BBX: variants seen among roughly 807,000 people sequenced by gnomAD.
BBX encodes the protein BBX high mobility group box domain containing, also known as HMG box transcription factor BBX.
In BBX, 30 loss-of-function variants were observed where a neutral mutation model predicts 100.2. The observed-to-expected ratio is 0.30, with a 90% CI of 0.22 to 0.41. The LOEUF is 0.41. BBX is among the 10% of genes least tolerant of loss of function. The probability of loss-of-function intolerance (pLI) is 1.00; values close to 1 mark genes in which losing one functional copy is unlikely to be tolerated. For missense variants in BBX, 1,023 were observed against 1,129.8 expected (o/e 0.91, Z 1.35); for synonymous variants, 376 against 388.1 (o/e 0.97, Z 0.37).
At chr3:107,600,254 C>T (rs1255978564) in intron 2 of BBX, among the ~76,000 whole-genome samples, 1 of 152,150 alleles carries the variant, frequency 6.6e-6, no homozygotes, top group East Asian at 1.9e-4. Flanking sequence ...AAGACTATAA[C>T]CAATACCTAA....
intron 2 of BBX, among the ~76,000 whole-genome samples, chr3:107,577,525 G>A (rs1256147233): frequency 1.3e-5 from 2 of 152,112 alleles, no homozygotes; most frequent in Non-Finnish European, 2.9e-5. Context: ...CTAAATCTCA[G>A]TATCCTCATC....
At chr3:107,700,507 A>G (rs1332239605) in intron 3 of BBX, among the ~76,000 whole-genome samples, 3 of 150,334 alleles carry the variant, frequency 2.0e-5, no homozygotes, top group South Asian at 2.1e-4. Context: ...TTACGTATGT[A>G]TACATGTGCC....
At chr3:107,563,103 T>G (rs1576316394) in intron 2 of BBX, among the ~76,000 whole-genome samples, 1 of 152,194 alleles carries the variant, frequency 6.6e-6, no homozygotes, top group Non-Finnish European at 1.5e-5. Context: ...GCCTCCCATG[T>G]GGGAGGAGTG....
chr3:107,534,449 GTTTCCCTCCCTTCT>G (rs1386064542), intron 2 of BBX, among the ~76,000 whole-genome samples: 10 of 152,034 alleles, frequency 6.6e-5, no homozygotes, highest in Admixed American at 2.6e-4. Flanking sequence ...CCCTCCTAGG[GTTTCCCTCCCTTCT>G]TTTCCCTCCC....
intron 10 of BBX, among the ~76,000 whole-genome samples, chr3:107,764,537 G>A (rs1204079562): frequency 6.6e-6 from 1 of 152,140 alleles, no homozygotes; most frequent in Non-Finnish European, 1.5e-5. Flanking sequence ...TAGACGATAG[G>A]TATCAAATAT....
chr3:107,803,857 A>G (rs2070785600), intron 17 of BBX, among the ~76,000 whole-genome samples: 1 of 151,944 alleles, frequency 6.6e-6, no homozygotes, highest in African/African-American at 2.4e-5. Flanking sequence ...TGTGATTCTG[A>G]CTTCTTTCCT....
chr3:107,634,029 A>G (rs1222023525), intron 2 of BBX, among the ~76,000 whole-genome samples: 2 of 152,144 alleles, frequency 1.3e-5, no homozygotes, highest in East Asian at 1.9e-4. Flanking sequence ...TCATATTACA[A>G]TATGTCACTT....
At chr3:107,638,867 C>T (rs2057028759) in intron 2 of BBX, among the ~76,000 whole-genome samples, 1 of 150,334 alleles carries the variant, frequency 6.7e-6, no homozygotes, top group South Asian at 2.1e-4. Context: ...CATGTGCCTA[C>T]AGTCCCAGCT....
intron 1 of BBX, 91 bp downstream of exon 1, chr3:107,523,198 A>T: frequency 4.8e-6 from 1 of 208,792 alleles, no homozygotes; most frequent in South Asian, 6.5e-5. Flanking sequence ...CTGCAGCCCC[A>T]AGGACTCCGC....
chr3:107,697,682 C>T (rs2060727011), intron 3 of BBX, among the ~76,000 whole-genome samples: 1 of 151,902 alleles, frequency 6.6e-6, no homozygotes, highest in African/African-American at 2.4e-5. Flanking sequence ...GAGGTGGAGC[C>T]TACAGAGGCA....
At chr3:107,659,791 G>GTGGTACCC in intron 3 of BBX, 1 of 1,255,326 alleles carries the variant, frequency 8.0e-7, no homozygotes, top group Non-Finnish European at 1.0e-6. Flanking sequence ...AGATACAGAA[G>GTGGTACCC]TGGTACCCTG....
intron 3 of BBX, among the ~76,000 whole-genome samples, chr3:107,663,573 G>T (rs988724047): frequency 5.7e-4 from 87 of 151,570 alleles, no homozygotes; most frequent in African/African-American, 2.1e-3. Context: ...TCATACTTAT[G>T]TACCCCCTAC....
At chr3:107,541,119 C>T (rs746264414) in intron 2 of BBX, among the ~76,000 whole-genome samples, 1 of 152,132 alleles carries the variant, frequency 6.6e-6, no homozygotes, top group African/African-American at 2.4e-5. Flanking sequence ...ATTTCACTGA[C>T]GTTGCTTTGT....
At chr3:107,670,101 G>A (rs1232651661) in intron 3 of BBX, among the ~76,000 whole-genome samples, 1 of 152,048 alleles carries the variant, frequency 6.6e-6, no homozygotes, top group Non-Finnish European at 1.5e-5. Context: ...TAGCTAATTA[G>A]ATTTAACTAT....
At chr3:107,768,922 C>A (rs1338375343) in intron 10 of BBX, among the ~76,000 whole-genome samples, 1 of 135,028 alleles carries the variant, frequency 7.4e-6, no homozygotes, top group East Asian at 2.5e-4. Flanking sequence ...TTTTAGGAGG[C>A]TGAGGCAGGA....
rs78509118 is a variant in BBX, at chr3:107,681,217, A to G, written c.-9-29235A>G. On this transcript the variant is annotated intron_variant, in intron 3 of 17. Coordinates refer to ENST00000325805, the MANE Select transcript of BBX (RefSeq NM_001142568.3). The stretch of plus-strand genomic sequence containing the variant: ...GATTGTTAGCAACCAGAGGTCACGT[A>G]GAAAATATTTACGTCCACCAAGGAT... Among the ~76,000 whole-genome samples the G allele has an allele frequency of 1.6e-3, 250 of 152,326 alleles. 5 individuals carry two copies. In the East Asian group the frequency reaches 0.041, roughly 25 times the overall value.
At chr3:107,531,390 T>G in intron 2 of BBX, among the ~76,000 whole-genome samples, 1 of 152,170 alleles carries the variant, frequency 6.6e-6, no homozygotes, top group East Asian at 1.9e-4. Context: ...CCTTAAACTT[T>G]TATTCTCATA....
intron 2 of BBX, among the ~76,000 whole-genome samples, chr3:107,643,216 G>C (rs1025260796): frequency 6.6e-6 from 1 of 152,166 alleles, no homozygotes; most frequent in Non-Finnish European, 1.5e-5. Context: ...GGGAGTGTGA[G>C]AGCTGTGTCA....
intron 2 of BBX, among the ~76,000 whole-genome samples, chr3:107,585,410 A>G (rs1170295815): frequency 1.3e-5 from 2 of 152,230 alleles, no homozygotes; most frequent in Non-Finnish European, 1.5e-5. Flanking sequence ...AATGAGACGT[A>G]TCTTCATACC....
Sources: gnomAD v4.1 joint callset for allele counts (sites outside exome capture counted in the v4.1 genomes callset) on GRCh38, gnomAD v4.1.1 for gene constraint, MANE v1.5 for transcripts, NCBI Gene and HGNC (gene_info 2026-07-23, HGNC 2026-07-21) for gene names.